DNAH14: variants seen among roughly 807,000 people sequenced by gnomAD.
DNAH14 encodes the protein axonemal beta dynein heavy chain 14.
A neutral mutation model predicts 520.9 loss-of-function variants in DNAH14; 478 were observed. The observed-to-expected ratio is 0.92, with a 90% CI of 0.85 to 0.99. DNAH14 has a LOEUF of 0.99. Among genes scored for constraint, DNAH14 ranks in the 50% least tolerant of loss-of-function variants. The pLI is 0.00. For synonymous variants in DNAH14, 1,581 were observed against 1,757.2 expected, an observed-to-expected ratio of 0.90 and a Z score of 2.51; for missense variants, 4,831 against 5,234.5, an observed-to-expected ratio of 0.92 and a Z score of 2.38.
rs2075058322 is a variant in DNAH14 at position 225,097,181 on chromosome 1, A to C, written c.3637A>C (p.Asn1213His). 6.4e-7 allele frequency: 1 copy of C among 1,550,642 alleles called. No homozygotes were observed. The highest frequency in any genetic ancestry group is 2.0e-5 in the Admixed American group (1 of 50,966). ...LFSYTLEEWMNCQRNWLYLEP... is the reference protein window; with the variant it reads ...LFSYTLEEWMHCQRNWLYLEP... The stretch of plus-strand genomic sequence containing the variant: ...CTCTTACACCCTTGAGGAATGGATG[A>C]ATTGTCAAAGAAATTGGCTTTATCT... Residue 1213 changes from asparagine (N) to histidine (H), a missense_variant, in exon 22 of 86, where the codon AAT becomes CAT. By Grantham distance (68) the Asn-to-His change is moderately conservative. Transcript: ENST00000682510.
At chr1:225,298,430 C>G (rs2094062442) in intron 55 of DNAH14, among the ~76,000 whole-genome samples, 1 of 152,204 alleles carries the variant, frequency 6.6e-6, no homozygotes, top group Non-Finnish European at 1.5e-5. Flanking sequence ...AGGGTAGGGT[C>G]ACCCTAAATG....
intron 5 of DNAH14, among the ~76,000 whole-genome samples, 195 bp downstream of exon 5, chr1:224,964,804 C>T (rs1343098491): frequency 6.6e-6 from 1 of 152,070 alleles, no homozygotes; most frequent in African/African-American, 2.4e-5. Context: ...ATAGATAAAG[C>T]ATATAAACTT....
chr1:225,097,401 G>A lies in DNAH14; in HGVS notation c.3695+162G>A, dbSNP rs1280286950. ...GAATCATTATTTTTCTTTCATAAAA[G>A]ATTATGAACATCATTTTTGTAAGCC... On this transcript the variant is annotated intron_variant, in intron 22 of 85. Coordinates refer to ENST00000682510, the MANE Select transcript of DNAH14 (RefSeq NM_001367479.1). 3.9e-5 allele frequency among the ~76,000 whole-genome samples: 6 copies of A among 152,218 alleles called. No individual in the cohort carries two copies. In the South Asian group the frequency reaches 1.0e-3, roughly 26 times the overall value.
chr1:225,260,432 G>C (rs2092895956), intron 46 of DNAH14, among the ~76,000 whole-genome samples: 1 of 152,038 alleles, frequency 6.6e-6, no homozygotes, highest in South Asian at 2.1e-4. Flanking sequence ...ATGCTGCAAT[G>C]AACACAGGAG....
At chr1:225,077,810 G>A (rs892373052) in intron 17 of DNAH14, among the ~76,000 whole-genome samples, 1 of 152,034 alleles carries the variant, frequency 6.6e-6, no homozygotes, top group African/African-American at 2.4e-5. Context: ...AATTTCTGAT[G>A]GATTAACAAT....
chr1:225,061,172 C>T (rs1445351693), intron 17 of DNAH14, among the ~76,000 whole-genome samples: 2 of 152,192 alleles, frequency 1.3e-5, no homozygotes, highest in Admixed American at 1.3e-4. Context: ...CCAGTTCGAG[C>T]TTCCCAGCTG....
chr1:225,211,193 A>C (rs894723876), intron 41 of DNAH14, among the ~76,000 whole-genome samples: 2 of 152,224 alleles, frequency 1.3e-5, no homozygotes, highest in African/African-American at 2.4e-5. Context: ...AAGGTGGGTA[A>C]TAACAAACTC....
rs544961804 is a variant in DNAH14 at position 225,023,516 on chromosome 1, C to T, written c.1108-99C>T. ...TATTAAAATATCAATTCTTAACATTCACATCTAATTGAAGTTGATAAAAAA... is the reference window on the plus strand; with the variant it reads ...TATTAAAATATCAATTCTTAACATTTACATCTAATTGAAGTTGATAAAAAA... On this transcript the variant is annotated intron_variant, in intron 10 of 85. Coordinates refer to ENST00000682510, the MANE Select transcript of DNAH14 (RefSeq NM_001367479.1). 14 of 931,390 alleles carry T rather than the reference C, an allele frequency of 1.5e-5. No individual in the cohort carries two copies. In the South Asian group the frequency reaches 2.5e-4, roughly 16 times the overall value. 57.7% of individuals were successfully genotyped at this position (931,390 alleles called of 1,614,324 possible). A position where few individuals can be genotyped will look rare whatever the true frequency, so the allele number is the denominator to read the frequency against.
At chr1:225,338,756 T>C (rs1163182406) in intron 68 of DNAH14, among the ~76,000 whole-genome samples, 1 of 152,188 alleles carries the variant, frequency 6.6e-6, no homozygotes, top group East Asian at 1.9e-4. Flanking sequence ...TAATGTGCAT[T>C]CTCTCCTTGT....
intron 55 of DNAH14, among the ~76,000 whole-genome samples, chr1:225,297,489 C>G (rs1003919908): frequency 7.2e-5 from 11 of 152,178 alleles, no homozygotes; most frequent in African/African-American, 2.7e-4. Flanking sequence ...AAGCAATCAC[C>G]TTTCCAACTT....
intron 36 of DNAH14, among the ~76,000 whole-genome samples, chr1:225,177,880 G>A (rs952067387): frequency 1.3e-5 from 2 of 152,130 alleles, no homozygotes; most frequent in African/African-American, 4.8e-5. Context: ...CCATCTAGTG[G>A]AGCTGTTAGA....
Position 225,119,304 on chromosome 1 carries a change from A to G in DNAH14, c.4166+10A>G. The G allele has an allele frequency of 6.7e-7, 1 of 1,499,166 alleles. No individual in the cohort carries two copies. Among genetic ancestry groups the G allele is most frequent in the Non-Finnish European group, 8.9e-7 (1 of 1,119,522 alleles). The allele number at this position is 1,499,166 out of a possible 1,614,324, so 92.9% of individuals were successfully genotyped here. On this transcript the variant is annotated intron_variant, in intron 26 of 85. Coordinates refer to ENST00000682510, the MANE Select transcript of DNAH14 (RefSeq NM_001367479.1). The stretch of plus-strand genomic sequence containing the variant: ...TCGATGTGCTAAAAAAGTAAGTACA[A>G]TTTTCAAATCCTAAAATTATATATT...
intron 66 of DNAH14, among the ~76,000 whole-genome samples, chr1:225,333,957 T>G (rs2094855832): frequency 6.6e-6 from 1 of 152,220 alleles, no homozygotes. Flanking sequence ...CACCTAGCTT[T>G]TGTTAATCCT....
In DNAH14 at chr1:225,389,152, G is replaced by T. The variant is rs117116911; in HGVS notation, c.13191-582G>T. Among the ~76,000 whole-genome samples, 3 of 152,334 alleles carry T rather than the reference G, an allele frequency of 2.0e-5. No individual in the cohort carries two copies. The East Asian group carries it at 5.8e-4, about 29-fold the overall frequency. ...TAGCAAGTGCCTCACAGGATGTGGA[G>T]CATTTCTCTAGGAGCTTTACTCACA... On this transcript the variant is annotated intron_variant, in intron 82 of 85. Transcript: ENST00000682510.
chr1:225,323,224 C>T (rs922916193), intron 62 of DNAH14, among the ~76,000 whole-genome samples: 69 of 152,118 alleles, frequency 4.5e-4, no homozygotes, highest in African/African-American at 1.5e-3. Flanking sequence ...GCCAATATGC[C>T]GCCTGGGGGA....
At chr1:225,191,210 G>A (rs2085388393) in intron 37 of DNAH14, among the ~76,000 whole-genome samples, 1 of 151,858 alleles carries the variant, frequency 6.6e-6, no homozygotes, top group African/African-American at 2.4e-5. Context: ...TGAGCCTGAA[G>A]CATTTATCCC....
At chr1:225,042,003 T>C (rs2067522299) in intron 12 of DNAH14, among the ~76,000 whole-genome samples, 1 of 152,196 alleles carries the variant, frequency 6.6e-6, no homozygotes, top group Admixed American at 6.5e-5. Flanking sequence ...AGCTTTTCCA[T>C]CATCCTGAAC....
Position 224,955,055 on chromosome 1 carries a change from A to C in DNAH14, c.174A>C (p.Thr58=), listed in dbSNP as rs1356634864. Residue 58 remains threonine, a synonymous_variant, in exon 3 of 86, where the codon ACA becomes ACC. Transcript: ENST00000682510. Reference sequence around the variant, plus strand: ...AAAAGGAAACATTGGAATATAAAACAGTTAGAACATTCTCTGAATCTTTGA... The same window carrying C: ...AAAAGGAAACATTGGAATATAAAACCGTTAGAACATTCTCTGAATCTTTGA... ...IAEKETLEYK[T]VRTFSESLKS... is the part of the protein sequence containing the mutation. 2.5e-6 allele frequency: 4 copies of C among 1,611,728 alleles called. No homozygotes were observed. The highest frequency in any genetic ancestry group is 1.7e-5 in the Admixed American group (1 of 59,904).
chr1:225,114,327 C>G (rs1244710380), intron 23 of DNAH14, among the ~76,000 whole-genome samples: 1 of 152,100 alleles, frequency 6.6e-6, no homozygotes, highest in Non-Finnish European at 1.5e-5. Context: ...CTGCCAGGTG[C>G]CCTATCCTAC....
Sources: gnomAD v4.1 joint callset for allele counts (sites outside exome capture counted in the v4.1 genomes callset) on GRCh38, gnomAD v4.1.1 for gene constraint, MANE v1.5 for transcripts, NCBI Gene and HGNC (gene_info 2026-07-23, HGNC 2026-07-21) for gene names.